The following MEAK7 variants were observed in gnomAD, a reference collection of about 807,000 sequenced individuals.
MEAK7 encodes the protein MTOR associated protein MEAK7, also known as MTOR-associated protein MEAK7.
MEAK7 carries 68 observed loss-of-function variants against 40.5 expected under a neutral mutation model. The observed-to-expected ratio is 1.68, with a 90% CI of 1.38 to 2.06. The LOEUF (loss-of-function observed/expected upper bound fraction) is 2.06, where lower values mean the gene tolerates loss of function less well. Among genes scored for constraint, MEAK7 ranks in the 30% most tolerant of loss-of-function variants. The pLI is 0.00. For synonymous variants in MEAK7, 338 were observed against 231.9 expected, an observed-to-expected ratio of 1.46 and a Z score of -4.16; for missense variants, 918 against 580.5, an observed-to-expected ratio of 1.58 and a Z score of -5.98.
rs754155763 is a variant in MEAK7, at chr16:84,486,675, C to G, written c.914G>C (p.Gly305Ala). Residue 305 changes from glycine (G) to alanine (A), a missense_variant, in exon 5 of 8, where the codon GGT becomes GCT. Physicochemically the swap from Gly to Ala is moderately conservative, Grantham distance 60. Coordinates refer to ENST00000343629, the MANE Select transcript of MEAK7 (RefSeq NM_020947.4). The part of the protein sequence containing the change: ...VLEDHDKHVF[G>A]GFASCSWEVK... ...CTCCCAAGAGCAAGAGGCAAACCCA[C>G]CGAACACATGCTTGTCATGGTCCTC... 13 of 1,613,718 alleles carry G rather than the reference C, an allele frequency of 8.1e-6. No individual in the cohort carries two copies. Among genetic ancestry groups the G allele is most frequent in the South Asian group, 1.1e-5 (1 of 91,022 alleles).
chr16:84,490,443 CTTTTTTTTTTTTTTT>C (rs770073812), intron 3 of MEAK7, among the ~76,000 whole-genome samples: 21 of 93,874 alleles, frequency 2.2e-4, no homozygotes, highest in African/African-American at 4.8e-4. Flanking sequence ...TCTGCCCCGC[CTTTTTTTTTTTTTTT>C]TTTTTTTTTT....
chr16:84,492,480 T>A (rs2150638668), intron 3 of MEAK7, among the ~76,000 whole-genome samples: 1 of 152,138 alleles, frequency 6.6e-6, no homozygotes, highest in South Asian at 2.1e-4. Context: ...GTTTTTACCC[T>A]TTTTTTCAAA....
chr16:84,484,600 G>C (rs1406540995), intron 5 of MEAK7, among the ~76,000 whole-genome samples: 1 of 152,164 alleles, frequency 6.6e-6, no homozygotes, highest in African/African-American at 2.4e-5. Context: ...CCTTTAAAAA[G>C]GTTTACGAAG....
At position 84,489,438 on chromosome 16, in the gene MEAK7, T is replaced by C; in HGVS notation, c.385-16A>G. Reference sequence around the variant, plus strand: ...CCTCTGTAAACTGTAAGATCACAATTTTACCATTAAAAACAGTTCCACCAT... The same window carrying C: ...CCTCTGTAAACTGTAAGATCACAATCTTACCATTAAAAACAGTTCCACCAT... On this transcript the variant is annotated splice_polypyrimidine_tract_variant and intron_variant, in intron 3 of 7. Coordinates refer to ENST00000343629, the MANE Select transcript of MEAK7 (RefSeq NM_020947.4). The C allele has an allele frequency of 2.5e-6, 4 of 1,596,666 alleles. No individual in the cohort carries two copies. The highest frequency in any genetic ancestry group is 3.4e-6 in the Non-Finnish European group (4 of 1,169,440).
intron 2 of MEAK7, chr16:84,497,248 G>C: frequency 2.5e-6 from 1 of 397,570 alleles, no homozygotes; most frequent in South Asian, 2.1e-5. Context: ...GCATCTCCTT[G>C]TCAGTGTCTT....
chr16:84,482,777 G>GCTT, intron 5 of MEAK7, 67 bp from the exon 6 acceptor site: 2 of 1,595,036 alleles, frequency 1.3e-6, no homozygotes, highest in Non-Finnish European at 1.7e-6. Flanking sequence ...GGCCGGAAAT[G>GCTT]CCGGTAAGCT....
chr16:84,484,171 C>G (rs1912830084), intron 5 of MEAK7, among the ~76,000 whole-genome samples: 1 of 152,212 alleles, frequency 6.6e-6, no homozygotes. Flanking sequence ...GGCCCAGATC[C>G]TAGTCCACCC....
intron 1 of MEAK7, among the ~76,000 whole-genome samples, chr16:84,499,429 T>C (rs1356848635): frequency 6.6e-6 from 1 of 152,184 alleles, no homozygotes; most frequent in African/African-American, 2.4e-5. Flanking sequence ...AAGGCCATGC[T>C]ACTAGGGTGG....
Position 84,482,647 on chromosome 16 carries a change from T to A in MEAK7, c.1022A>T (p.Tyr341Phe), listed in dbSNP as rs571203709. The A allele has an allele frequency of 2.4e-5, 38 of 1,614,256 alleles. No individual in the cohort carries two copies. The Middle Eastern group carries it at 4.9e-4, about 21-fold the overall frequency. The stretch of plus-strand genomic sequence containing the variant: ...GTTCAAGTACATGTAGTGGTCGTTG[T>A]AGCCCGTGTGTGTGTACACAGCCAT... ...PSMAVYTHTG[Y>F]NDHYMYLNHG... Residue 341 changes from tyrosine (Y) to phenylalanine (F), a missense_variant, in exon 6 of 8, where the codon TAC becomes TTC. By Grantham distance (22) the Tyr-to-Phe change is conservative. Coordinates refer to ENST00000343629, the MANE Select transcript of MEAK7 (RefSeq NM_020947.4).
intron 3 of MEAK7, among the ~76,000 whole-genome samples, chr16:84,490,712 T>C (rs1422766352): frequency 8.7e-6 from 1 of 115,488 alleles, no homozygotes; most frequent in Admixed American, 8.9e-5. Flanking sequence ...AGGGACATAA[T>C]GCCTTTTTGT....
rs1045429281 is a variant in MEAK7 at position 84,476,845 on chromosome 16, G to C, written c.*3068C>G. 1.3e-5 allele frequency: 2 copies of C among 152,236 alleles called. No individual in the cohort carries two copies. Among genetic ancestry groups the C allele is most frequent in the Non-Finnish European group, 1.5e-5 (1 of 68,056 alleles). 9.4% of individuals were successfully genotyped at this position (152,236 alleles called of 1,614,324 possible). A position where few individuals can be genotyped will look rare whatever the true frequency, so the allele number is the denominator to read the frequency against. ...AAAATAGCTGGAGAAGAGGCAGGAA[G>C]ATGACTGACTTTAAGTTGTATCCTT... On this transcript the variant is annotated 3_prime_UTR_variant, in exon 8 of 8. Transcript: ENST00000343629.
intron 1 of MEAK7, among the ~76,000 whole-genome samples, chr16:84,502,547 ATGTACCCAGG>A (rs1208993499): frequency 6.6e-6 from 1 of 152,094 alleles, no homozygotes; most frequent in African/African-American, 2.4e-5. Context: ...AGGCCACCCC[ATGTACCCAGG>A]TGTACTGTGA....
chr16:84,503,220 C>T lies in MEAK7; in HGVS notation c.-26+1381G>A, dbSNP rs980116190. 1.6e-4 allele frequency among the ~76,000 whole-genome samples: 24 copies of T among 151,846 alleles called. 1 individual carries two copies. Among genetic ancestry groups the T allele is most frequent in the Admixed American group, 1.6e-3 (24 of 15,266 alleles). On this transcript the variant is annotated intron_variant, in intron 1 of 7. Transcript: ENST00000343629. ...TACATATATGGTAAAAAAAAAATCTCATGTTTTAAGAAAGCTTATGAATTT... is the reference window on the plus strand; with the variant it reads ...TACATATATGGTAAAAAAAAAATCTTATGTTTTAAGAAAGCTTATGAATTT...
intron 1 of MEAK7, among the ~76,000 whole-genome samples, chr16:84,503,247 T>A (rs1190459871): frequency 6.6e-6 from 1 of 152,224 alleles, no homozygotes; most frequent in African/African-American, 2.4e-5. Context: ...TATGAATTTG[T>A]GTTGGATGTC....
chr16:84,496,922 G>C (rs935533522), intron 2 of MEAK7, among the ~76,000 whole-genome samples: 1 of 152,162 alleles, frequency 6.6e-6, no homozygotes, highest in Non-Finnish European at 1.5e-5. Flanking sequence ...ACATATGTCT[G>C]TGTACAGCTA....
chr16:84,498,038 G>T lies in MEAK7; in HGVS notation c.49C>A (p.Leu17Ile). 1.9e-6 allele frequency: 3 copies of T among 1,614,120 alleles called. No homozygotes were observed. The highest frequency in any genetic ancestry group is 2.5e-6 in the Non-Finnish European group (3 of 1,180,004). ...TCAATCTCTGCCTGTTCCTCAGGAAGAAACTGTGAACAAAAGCTCCGCCCC... is the reference window on the plus strand; with the variant it reads ...TCAATCTCTGCCTGTTCCTCAGGAATAAACTGTGAACAAAAGCTCCGCCCC... ...RVGRSFCSQFLPEEQAEIDQL... is the reference protein window; with the variant it reads ...RVGRSFCSQFIPEEQAEIDQL... The change falls in exon 2 of 8, where the codon CTT becomes ATT. Residue 17 changes from leucine (L) to isoleucine (I), a missense_variant. Coordinates refer to ENST00000343629, the MANE Select transcript of MEAK7 (RefSeq NM_020947.4).
chr16:84,503,056 AT>A (rs887984851), intron 1 of MEAK7, among the ~76,000 whole-genome samples: 69 of 152,202 alleles, frequency 4.5e-4, no homozygotes, highest in African/African-American at 1.6e-3. Flanking sequence ...GATCACCATT[AT>A]CTGTTCACTT....
intron 1 of MEAK7, 53 bp from the exon 2 acceptor site, chr16:84,498,164 A>G (rs1914211908): frequency 2.6e-6 from 4 of 1,520,924 alleles, no homozygotes; most frequent in African/African-American, 2.8e-5. Context: ...ATAATCACAG[A>G]AAATAAATGT....
At chr16:84,498,890 G>A (rs1005022053) in intron 1 of MEAK7, among the ~76,000 whole-genome samples, 2 of 152,160 alleles carry the variant, frequency 1.3e-5, no homozygotes, top group Admixed American at 6.5e-5. Flanking sequence ...TCCTGGCTCT[G>A]CCTCCTCCTA....
Sources: allele counts gnomAD v4.1 joint callset (sites outside exome capture counted in the v4.1 genomes callset), GRCh38; gene constraint gnomAD v4.1.1; transcripts MANE v1.5; gene names NCBI Gene and HGNC (gene_info 2026-07-23, HGNC 2026-07-21).